ACOXL: variants seen among roughly 807,000 people sequenced by gnomAD.
ACOXL encodes the protein acyl-coenzyme A oxidase-like protein.
ACOXL carries 70 observed loss-of-function variants against 71.9 expected under a neutral mutation model. The ratio of observed to expected loss-of-function variants is 0.97; its 90% confidence interval spans 0.80 to 1.19. The LOEUF (loss-of-function observed/expected upper bound fraction) is 1.19. Among genes scored for constraint, ACOXL ranks in the 50% most tolerant of loss-of-function variants. The pLI, the probability that ACOXL is intolerant of heterozygous loss-of-function variation, is 0.00. For missense variants in ACOXL, 703 were observed against 736.3 expected, an observed-to-expected ratio of 0.95 and a Z score of 0.52; for synonymous variants, 253 against 281.6, an observed-to-expected ratio of 0.90 and a Z score of 1.02.
intron 10 of ACOXL, among the ~76,000 whole-genome samples, chr2:110,906,758 T>A (rs1462847330): frequency 6.6e-6 from 1 of 152,192 alleles, no homozygotes; most frequent in Non-Finnish European, 1.5e-5. Flanking sequence ...GTGCCGCCTT[T>A]TCTGGGTTTT....
At chr2:110,931,060 A>G (rs2060463765) in intron 11 of ACOXL, among the ~76,000 whole-genome samples, 1 of 152,224 alleles carries the variant, frequency 6.6e-6, no homozygotes, top group Non-Finnish European at 1.5e-5. Flanking sequence ...TGGAAATGAG[A>G]AATAATTTTG....
intron 11 of ACOXL, 24 bp from the exon 12 acceptor site, chr2:110,933,465 A>T (rs766486793): frequency 3.1e-6 from 5 of 1,605,782 alleles, no homozygotes; most frequent in Non-Finnish European, 4.3e-6. Context: ...CACTTCCATC[A>T]CACATGTCTG....
chr2:111,076,556 G>T (rs367814148), intron 16 of ACOXL, among the ~76,000 whole-genome samples: 2 of 151,948 alleles, frequency 1.3e-5, no homozygotes, highest in Non-Finnish European at 2.9e-5. Flanking sequence ...TGATTGGTAT[G>T]TTTAAACTAT....
intron 16 of ACOXL, among the ~76,000 whole-genome samples, chr2:111,082,324 GA>G (rs1045536895): frequency 3.7e-4 from 51 of 137,692 alleles, no homozygotes; most frequent in Admixed American, 7.2e-4. Flanking sequence ...AAATTTACAA[GA>G]AAAAAAAAAA....
intron 1 of ACOXL, among the ~76,000 whole-genome samples, chr2:110,742,084 A>G (rs1384499987): frequency 1.3e-5 from 2 of 152,244 alleles, no homozygotes; most frequent in Admixed American, 6.5e-5. Context: ...CGGTGAGGAG[A>G]GGGTCCCAGG....
At chr2:110,874,845 C>A (rs1483300016) in intron 10 of ACOXL, among the ~76,000 whole-genome samples, 1 of 152,148 alleles carries the variant, frequency 6.6e-6, no homozygotes, top group Non-Finnish European at 1.5e-5. Flanking sequence ...AACCAGCATC[C>A]CTCGGGGTGG....
chr2:110,872,972 T>C (rs1226258501), intron 10 of ACOXL, among the ~76,000 whole-genome samples: 1 of 152,228 alleles, frequency 6.6e-6, no homozygotes, highest in Non-Finnish European at 1.5e-5. Flanking sequence ...AAAATATATT[T>C]TGTAGTAAAA....
chr2:110,901,911 C>T (rs753119955), intron 10 of ACOXL, among the ~76,000 whole-genome samples: 1 of 151,932 alleles, frequency 6.6e-6, no homozygotes, highest in African/African-American at 2.4e-5. Context: ...CCTGTAATCC[C>T]AGTTACTCAA....
chr2:111,018,404 C>G (rs925682864), intron 14 of ACOXL, among the ~76,000 whole-genome samples: 2 of 152,218 alleles, frequency 1.3e-5, no homozygotes, highest in Non-Finnish European at 2.9e-5. Flanking sequence ...ATGGGGATGT[C>G]AGTGAGTGAC....
At chr2:111,075,742 C>T (rs1186380694) in intron 16 of ACOXL, among the ~76,000 whole-genome samples, 2 of 152,004 alleles carry the variant, frequency 1.3e-5, no homozygotes, top group African/African-American at 4.8e-5. Context: ...TTCCTGCACC[C>T]CACAACAACT....
chr2:110,983,797 A>C (rs181305201), intron 12 of ACOXL, among the ~76,000 whole-genome samples: 6 of 152,264 alleles, frequency 3.9e-5, no homozygotes, highest in Admixed American at 2.6e-4. Flanking sequence ...ATGAATAAAA[A>C]TTTTTTTGAA....
At chr2:111,047,694 C>T (rs1312023645) in intron 15 of ACOXL, among the ~76,000 whole-genome samples, 1 of 152,212 alleles carries the variant, frequency 6.6e-6, no homozygotes, top group Admixed American at 6.5e-5. Flanking sequence ...CAAGTTTCTG[C>T]TGAGCCACTT....
intron 16 of ACOXL, among the ~76,000 whole-genome samples, chr2:111,069,173 A>G (rs2067220958): frequency 7.2e-6 from 1 of 138,544 alleles, no homozygotes; most frequent in Non-Finnish European, 1.5e-5. Context: ...TTAATTTGAG[A>G]CAGAGTCTCT....
chr2:110,844,721 AT>A (rs1215157312), intron 10 of ACOXL, among the ~76,000 whole-genome samples: 9 of 151,610 alleles, frequency 5.9e-5, no homozygotes, highest in Non-Finnish European at 1.2e-4. Flanking sequence ...CTAATTTTTT[AT>A]TTTTAGTAGA....
chr2:111,067,358 G>T (rs926614907), intron 16 of ACOXL, among the ~76,000 whole-genome samples: 1 of 152,060 alleles, frequency 6.6e-6, no homozygotes, highest in African/African-American at 2.4e-5. Context: ...CTTTGAGAAA[G>T]GATGAATCAA....
rs182282780 is a variant in ACOXL at position 110,844,174 on chromosome 2, T to C, written c.788+2769T>C. On this transcript the variant is annotated intron_variant, in intron 10 of 17. Transcript: ENST00000439055. ...CTGGGCCTCTCACAAAATATGAATG[T>C]CTGATTCACACAAGCCAAGCTGGGA... Among the ~76,000 whole-genome samples the C allele has an allele frequency of 4.5e-3, 692 of 152,290 alleles. 1 individual carries two copies. Among genetic ancestry groups the C allele is most frequent in the Non-Finnish European group, 6.9e-3 (468 of 68,008 alleles).
chr2:110,774,346 G>A (rs1682369965), intron 2 of ACOXL, among the ~76,000 whole-genome samples: 1 of 151,992 alleles, frequency 6.6e-6, no homozygotes, highest in Admixed American at 6.5e-5. Flanking sequence ...TGGATGCTGG[G>A]GATAAAAATC....
At position 111,117,653 on chromosome 2, in the gene ACOXL, G is replaced by A; in HGVS notation, c.1580G>A (p.Arg527Gln). 1.9e-6 allele frequency: 3 copies of A among 1,551,784 alleles called. No individual in the cohort carries two copies. In the South Asian group the frequency reaches 3.6e-5, roughly 18 times the overall value. The change falls in exon 18 of 18, where the codon CGG becomes CAG. Residue 527 changes from arginine to glutamine, a missense_variant. Physicochemically the swap from Arg to Gln is conservative, Grantham distance 43. Transcript: ENST00000439055. ...TGCGACTCGGTGAAGGATGATGCCCGGAGGGTGATCTCGACCTTTAACATT... is the reference window on the plus strand; with the variant it reads ...TGCGACTCGGTGAAGGATGATGCCCAGAGGGTGATCTCGACCTTTAACATT... ...DLCDSVKDDARRVISTFNIPH... is the reference protein window; with the variant it reads ...DLCDSVKDDAQRVISTFNIPH...
chr2:110,884,524 G>A (rs975950460), intron 10 of ACOXL, among the ~76,000 whole-genome samples: 2 of 152,146 alleles, frequency 1.3e-5, no homozygotes, highest in Non-Finnish European at 2.9e-5. Context: ...CATAAAAGGA[G>A]CTCAGAGAGA....
Sources: allele counts gnomAD v4.1 joint callset (sites outside exome capture counted in the v4.1 genomes callset), GRCh38; gene constraint gnomAD v4.1.1; transcripts MANE v1.5; gene names NCBI Gene and HGNC (gene_info 2026-07-23, HGNC 2026-07-21).